The following B4GALNT2 variants were observed in gnomAD, a reference collection of about 807,000 sequenced individuals.
B4GALNT2 encodes N-acetylneuraminylgalactosylglucosyl-glucoside beta-1,4-N- acetylgalactosaminyltransferase 2.
In B4GALNT2, 42 loss-of-function variants were observed where a neutral mutation model predicts 51.1. The observed-to-expected ratio is 0.82, with a 90% CI of 0.64 to 1.06. The LOEUF (loss-of-function observed/expected upper bound fraction) is 1.06, where lower values mean the gene tolerates loss of function less well. Among genes scored for constraint, B4GALNT2 ranks in the 50% least tolerant of loss-of-function variants. The pLI, the probability that B4GALNT2 is intolerant of heterozygous loss-of-function variation, is 0.00. For synonymous variants in B4GALNT2, 253 were observed against 251.7 expected (o/e 1.01, Z -0.05); for missense variants, 602 against 633.6 (o/e 0.95, Z 0.54).
the B4GALNT2 span, among the ~76,000 whole-genome samples, chr17:49,125,618 T>G: frequency 6.9e-6 from 1 of 145,358 alleles, no homozygotes; most frequent in Non-Finnish European, 1.5e-5. Flanking sequence ...GTCTGGGATG[T>G]GGGGAGCGCC....
chr17:49,125,705 G>A, the B4GALNT2 span, among the ~76,000 whole-genome samples: 1 of 35,604 alleles, frequency 2.8e-5, no homozygotes, highest in African/African-American at 9.2e-5. Context: ...AGGGAGGTGG[G>A]GGTCGGCCCC....
At chr17:49,156,624 C>T (rs1182996161) in intron 5 of B4GALNT2, 21 bp downstream of exon 5, 2 of 1,612,492 alleles carry the variant, frequency 1.2e-6, no homozygotes, top group Non-Finnish European at 1.7e-6. Flanking sequence ...CTCCCAGCCC[C>T]TCTTTGCACT....
At chr17:49,126,496 T>A in the B4GALNT2 span, among the ~76,000 whole-genome samples, 515 of 118,484 alleles carry the variant, frequency 4.3e-3, no homozygotes, top group Middle Eastern at 8.8e-3. Context: ...GAATGATCAA[T>A]AAAAAAAAAA....
chr17:49,145,219 A>T (rs2042682669), intron 3 of B4GALNT2, among the ~76,000 whole-genome samples: 1 of 152,214 alleles, frequency 6.6e-6, no homozygotes, highest in Non-Finnish European at 1.5e-5. Flanking sequence ...TCCTGAGATC[A>T]TACATAATCT....
intron 7 of B4GALNT2, among the ~76,000 whole-genome samples, chr17:49,161,402 C>T (rs921995318): frequency 2.0e-5 from 3 of 151,978 alleles, no homozygotes; most frequent in Admixed American, 6.6e-5. Flanking sequence ...AAGTTGGATC[C>T]AAGTGTGATG....
chr17:49,150,301 G>T (rs1381960301), intron 3 of B4GALNT2, among the ~76,000 whole-genome samples: 1 of 14,936 alleles, frequency 6.7e-5, no homozygotes, highest in East Asian at 3.6e-3. Context: ...GAGGTGGGGG[G>T]GGTCAGCCCC....
At chr17:49,144,873 C>T (rs2042678361) in intron 3 of B4GALNT2, among the ~76,000 whole-genome samples, 1 of 152,160 alleles carries the variant, frequency 6.6e-6, no homozygotes, top group African/African-American at 2.4e-5. Context: ...GCAAAGAGAG[C>T]CAGTCCAAGT....
Position 49,148,824 on chromosome 17 carries a change from G to C in B4GALNT2, c.354-3976G>C, listed in dbSNP as rs2042722225. On this transcript the variant is annotated intron_variant, in intron 3 of 10. Coordinates refer to ENST00000393354, the MANE Select transcript of B4GALNT2 (RefSeq NM_001159387.2). ...TGTAATCCCGGCACTTTGGGAGGCC[G>C]AGGCAGGCGGATCACGAGGTCAAGA... The C allele has an allele frequency of 1.4e-5, 4 of 295,084 alleles. No homozygotes were observed. In the East Asian group the frequency reaches 2.1e-4, roughly 15 times the overall value. 18.3% of individuals were successfully genotyped at this position (295,084 alleles called of 1,614,324 possible).
At chr17:49,158,573 G>C (rs769005434) in intron 5 of B4GALNT2, among the ~76,000 whole-genome samples, 1 of 149,942 alleles carries the variant, frequency 6.7e-6, no homozygotes, top group Non-Finnish European at 1.5e-5. Flanking sequence ...GGGAGGTGGA[G>C]GTTGCAGTGA....
At chr17:49,147,566 G>C (rs754338249) in intron 3 of B4GALNT2, among the ~76,000 whole-genome samples, 5 of 151,240 alleles carry the variant, frequency 3.3e-5, no homozygotes, top group Non-Finnish European at 5.9e-5. Flanking sequence ...TGTAGATATG[G>C]GGTTTTGCCA....
At chr17:49,139,927 T>C (rs1017509996) in intron 1 of B4GALNT2, among the ~76,000 whole-genome samples, 1 of 151,086 alleles carries the variant, frequency 6.6e-6, no homozygotes, top group Non-Finnish European at 1.5e-5. Flanking sequence ...TGAGACAGAG[T>C]CTCAAATTAC....
intron 1 of B4GALNT2, among the ~76,000 whole-genome samples, chr17:49,134,117 A>G (rs887984958): frequency 4.6e-5 from 7 of 152,208 alleles, no homozygotes; most frequent in Non-Finnish European, 7.3e-5. Flanking sequence ...GGAAGCTGGG[A>G]GGCCTGATAC....
At chr17:49,158,444 G>A (rs1266229072) in intron 5 of B4GALNT2, among the ~76,000 whole-genome samples, 1 of 152,080 alleles carries the variant, frequency 6.6e-6, no homozygotes, top group African/African-American at 2.4e-5. Flanking sequence ...GACCAGCCTG[G>A]CAAACACGGC....
intron 7 of B4GALNT2, among the ~76,000 whole-genome samples, chr17:49,162,018 T>TG (rs202153732): frequency 0.01 from 1,538 of 151,742 alleles, 92 homozygotes; most frequent in Admixed American, 0.095. Context: ...GACGGAGTCT[T>TG]GCTCTGTTGC....
At position 49,142,190 on chromosome 17, in the gene B4GALNT2, G is replaced by A. The variant is rs2042651301; in HGVS notation, c.353+18G>A. 1.2e-6 allele frequency: 2 copies of A among 1,613,740 alleles called. No individual in the cohort carries two copies. On this transcript the variant is annotated intron_variant, in intron 3 of 10. Transcript: ENST00000393354. ...CAGAGGAGGTAATGCGGGTCATGAA[G>A]GCCCTTGGGTTCTGAGATGGAACAA...
chr17:49,159,747 T>C (rs568164585), intron 6 of B4GALNT2, among the ~76,000 whole-genome samples: 2 of 152,256 alleles, frequency 1.3e-5, no homozygotes, highest in Non-Finnish European at 2.9e-5. Context: ...ATTGACCCCA[T>C]AGAGCCACTC....
intron 1 of B4GALNT2, among the ~76,000 whole-genome samples, chr17:49,139,508 G>A (rs888786155): frequency 2.0e-5 from 3 of 152,150 alleles, no homozygotes; most frequent in Admixed American, 6.6e-5. Flanking sequence ...TTACAGGCGT[G>A]AGACACCATG....
chr17:49,140,637 A>G (rs1424958970), intron 1 of B4GALNT2, among the ~76,000 whole-genome samples: 3 of 151,562 alleles, frequency 2.0e-5, no homozygotes, highest in African/African-American at 7.3e-5. Context: ...GGTATCATGC[A>G]TTGATCACTA....
At chr17:49,140,174 C>T (rs2042628954) in intron 1 of B4GALNT2, among the ~76,000 whole-genome samples, 1 of 151,438 alleles carries the variant, frequency 6.6e-6, no homozygotes, top group South Asian at 2.1e-4. Context: ...GATCTCAGCT[C>T]ACTGCGACCT....
Sources: gnomAD v4.1 joint callset for allele counts (sites outside exome capture counted in the v4.1 genomes callset) on GRCh38, gnomAD v4.1.1 for gene constraint, MANE v1.5 for transcripts, NCBI Gene and HGNC (gene_info 2026-07-23, HGNC 2026-07-21) for gene names.